CD69: variants seen among roughly 807,000 people sequenced by gnomAD.
CD69 encodes CD69 molecule.
In CD69, 10 loss-of-function variants were observed where a neutral mutation model predicts 21.4. That is an observed-to-expected ratio of 0.47 (90% CI 0.29 to 0.79). The LOEUF is 0.79. Among genes scored for constraint, CD69 ranks in the 30% least tolerant of loss-of-function variants. The pLI is 0.09. For synonymous variants in CD69, 63 were observed against 78.2 expected (o/e 0.81, Z 1.03); for missense variants, 204 against 236.9 (o/e 0.86, Z 0.91).
intron 1 of CD69, among the ~76,000 whole-genome samples, chr12:9,757,656 C>G (rs1866690278): frequency 6.6e-6 from 1 of 152,148 alleles, no homozygotes; most frequent in African/African-American, 2.4e-5. Flanking sequence ...AATCCAGCCA[C>G]AGAAGATTGT....
At chr12:9,756,150 G>T in intron 2 of CD69, 147 bp downstream of exon 2, 1 of 509,620 alleles carries the variant, frequency 2.0e-6, no homozygotes, top group Non-Finnish European at 3.4e-6. Flanking sequence ...GTTTAGTATT[G>T]ATTAGGAAAT....
At chr12:9,755,346 G>T in intron 2 of CD69, 85 bp from the exon 3 acceptor site, 1 of 1,055,450 alleles carries the variant, frequency 9.5e-7, no homozygotes, top group Non-Finnish European at 1.5e-6. Flanking sequence ...ATGCTATGTT[G>T]TGCTAGGTGG....
At chr12:9,754,566 A>C in intron 4 of CD69, 21 bp downstream of exon 4, 1 of 1,379,352 alleles carries the variant, frequency 7.2e-7, no homozygotes, top group Non-Finnish European at 1.0e-6. Context: ...GGGGAATATA[A>C]AGAGACTTCT....
intron 4 of CD69, 49 bp downstream of exon 4, chr12:9,754,538 T>C: frequency 9.6e-7 from 1 of 1,041,232 alleles, no homozygotes; most frequent in Middle Eastern, 2.0e-4. Context: ...GAAAGTGATT[T>C]TCCTGAGATG....
intron 2 of CD69, 126 bp from the exon 3 acceptor site, chr12:9,755,387 A>G: frequency 1.4e-6 from 1 of 740,024 alleles, no homozygotes; most frequent in South Asian, 1.8e-5. Context: ...GCTAAAAAGT[A>G]GAATTCTGAA....
chr12:9,753,452 A>G lies in CD69; in HGVS notation c.*29T>C, dbSNP rs775810500. The stretch of plus-strand genomic sequence containing the variant: ...CAGATTTCCTTGAGTTCCATTCTAT[A>G]ATAGTCAATAAGTGAACATGTTTCC... On this transcript the variant is annotated 3_prime_UTR_variant, in exon 5 of 5. Coordinates refer to ENST00000228434, the MANE Select transcript of CD69 (RefSeq NM_001781.2). The G allele has an allele frequency of 4.3e-5, 41 of 959,166 alleles. No homozygotes were observed. The Admixed American group carries it at 4.6e-4, about 11-fold the overall frequency. The allele number at this position is 959,166 out of a possible 1,614,324, so 59.4% of individuals were successfully genotyped here.
chr12:9,755,414 A>G (rs1164596077), intron 2 of CD69, among the ~76,000 whole-genome samples, 153 bp from the exon 3 acceptor site: 1 of 152,236 alleles, frequency 6.6e-6, no homozygotes, highest in Non-Finnish European at 1.5e-5. Context: ...ATGAAGAAAG[A>G]AAGTTCTCAG....
chr12:9,757,231 ATGAC>A (rs1197861467), intron 1 of CD69, among the ~76,000 whole-genome samples: 1 of 152,228 alleles, frequency 6.6e-6, no homozygotes, highest in African/African-American at 2.4e-5. Flanking sequence ...TGACATTAAA[ATGAC>A]TGAACAAAAT....
At position 9,754,578 on chromosome 12, in the gene CD69, G is replaced by A. The variant is rs376663052; in HGVS notation, c.491+9C>T. On this transcript the variant is annotated intron_variant, in intron 4 of 4. Coordinates refer to ENST00000228434, the MANE Select transcript of CD69 (RefSeq NM_001781.2). ...CCTGGGGAATATAAAGAGACTTCTG[G>A]AGACTTACCAGTTGTTAAATTCTTT... The A allele has an allele frequency of 3.2e-5, 49 of 1,525,924 alleles. No homozygotes were observed. The highest frequency in any genetic ancestry group is 4.2e-5 in the Non-Finnish European group (46 of 1,099,786). The allele number at this position is 1,525,924 out of a possible 1,614,324, so 94.5% of individuals were successfully genotyped here.
chr12:9,757,926 T>C (rs748855210), intron 1 of CD69, among the ~76,000 whole-genome samples: 14 of 152,160 alleles, frequency 9.2e-5, no homozygotes, highest in Non-Finnish European at 1.8e-4. Flanking sequence ...TAAAATGATA[T>C]GTGAATGAAC....
intron 4 of CD69, 30 bp from the exon 5 acceptor site, chr12:9,753,619 T>C: frequency 9.6e-7 from 1 of 1,045,120 alleles, no homozygotes; most frequent in South Asian, 1.4e-5. Flanking sequence ...CTTAGAATTA[T>C]TTTCAGCTCA....
At chr12:9,757,323 G>A (rs866629396) in intron 1 of CD69, among the ~76,000 whole-genome samples, 1 of 152,138 alleles carries the variant, frequency 6.6e-6, no homozygotes, top group Non-Finnish European at 1.5e-5. Context: ...ATTGGTGGGA[G>A]AGTAAATTGG....
intron 3 of CD69, 80 bp downstream of exon 3, chr12:9,754,982 C>A: frequency 8.4e-7 from 1 of 1,183,904 alleles, no homozygotes; most frequent in East Asian, 2.4e-5. Flanking sequence ...TGTTTGTTTT[C>A]TCCACTTAGA....
At chr12:9,759,915 T>A (rs1365724370) in intron 1 of CD69, among the ~76,000 whole-genome samples, 1 of 152,150 alleles carries the variant, frequency 6.6e-6, no homozygotes, top group Admixed American at 6.5e-5. Context: ...GCTAGATATG[T>A]GGATAGAATA....
At position 9,753,469 on chromosome 12, in the gene CD69, CAT is replaced by C. The variant is rs765367618; in HGVS notation, c.*10_*11del. 52 of 1,101,072 alleles carry C rather than the reference CAT, an allele frequency of 4.7e-5. No homozygotes were observed. Among genetic ancestry groups the C allele is most frequent in the Non-Finnish European group, 6.8e-5 (49 of 721,006 alleles). The allele number at this position is 1,101,072 out of a possible 1,614,324, so 68.2% of individuals were successfully genotyped here. Reference sequence around the variant, plus strand: ...CATTCTATAATAGTCAATAAGTGAACATGTTTCCTTATTATTTGTAAGGTTTG... The same window carrying C: ...CATTCTATAATAGTCAATAAGTGAACGTTTCCTTATTATTTGTAAGGTTTG... On this transcript the variant is annotated 3_prime_UTR_variant, in exon 5 of 5. Coordinates refer to ENST00000228434, the MANE Select transcript of CD69 (RefSeq NM_001781.2).
chr12:9,753,429 G>T lies in CD69; in HGVS notation c.*52C>A. ...CCACAGAGCAGCATCCACTGACACA[G>T]ATTTCCTTGAGTTCCATTCTATAAT... On this transcript the variant is annotated 3_prime_UTR_variant, in exon 5 of 5. Transcript: ENST00000228434. 3.8e-6 allele frequency: 3 copies of T among 792,178 alleles called. No individual in the cohort carries two copies. The highest frequency in any genetic ancestry group is 6.3e-6 in the Non-Finnish European group (3 of 478,794). The allele number at this position is 792,178 out of a possible 1,614,324, so 49.1% of individuals were successfully genotyped here. A position where few individuals can be genotyped will look rare whatever the true frequency, so the allele number is the denominator to read the frequency against.
chr12:9,760,636 A>G (rs915376959), intron 1 of CD69, 121 bp downstream of exon 1: 6 of 702,190 alleles, frequency 8.5e-6, no homozygotes. Flanking sequence ...AGAGATTAGC[A>G]GTATATTTCT....
chr12:9,759,752 G>T (rs1267572983), intron 1 of CD69, among the ~76,000 whole-genome samples: 1 of 152,088 alleles, frequency 6.6e-6, no homozygotes, highest in African/African-American at 2.4e-5. Flanking sequence ...TTAATAGATC[G>T]CTCTTGCTGA....
At chr12:9,759,023 G>A (rs942701772) in intron 1 of CD69, among the ~76,000 whole-genome samples, 8 of 151,966 alleles carry the variant, frequency 5.3e-5, no homozygotes, top group South Asian at 2.1e-4. Flanking sequence ...TCCGCCTCCC[G>A]GGTTCACGCC....
Sources: gnomAD v4.1 joint callset for allele counts (sites outside exome capture counted in the v4.1 genomes callset) on GRCh38, gnomAD v4.1.1 for gene constraint, MANE v1.5 for transcripts, NCBI Gene and HGNC (gene_info 2026-07-23, HGNC 2026-07-21) for gene names.